The following ANKRD29 variants were observed in gnomAD, a reference collection of about 807,000 sequenced individuals.
ANKRD29 encodes the protein ankyrin repeat domain 29, also known as ankyrin repeat domain-containing protein 29.
A neutral mutation model predicts 38.0 loss-of-function variants in ANKRD29; 32 were observed. The ratio of observed to expected loss-of-function variants is 0.84; its 90% confidence interval spans 0.64 to 1.13. The LOEUF (loss-of-function observed/expected upper bound fraction) is 1.13. Among genes scored for constraint, ANKRD29 ranks in the 50% most tolerant of loss-of-function variants. ANKRD29 has a pLI of 0.00. For missense variants in ANKRD29, 357 were observed against 377.9 expected (o/e 0.94, Z 0.46); for synonymous variants, 135 against 152.4 (o/e 0.89, Z 0.84).
intron 9 of ANKRD29, among the ~76,000 whole-genome samples, chr18:23,607,525 G>A (rs986232104): frequency 6.6e-6 from 1 of 152,280 alleles, no homozygotes; most frequent in African/African-American, 2.4e-5. Context: ...GTGTTGCCTT[G>A]TGTGACCATC....
chr18:23,618,250 T>C (rs1037086580), intron 7 of ANKRD29, among the ~76,000 whole-genome samples: 1 of 152,258 alleles, frequency 6.6e-6, no homozygotes, highest in Admixed American at 6.5e-5. Context: ...AAAAAATTTA[T>C]ACAGCCTTGC....
chr18:23,644,332 T>C (rs2060112741), intron 3 of ANKRD29, among the ~76,000 whole-genome samples: 1 of 152,256 alleles, frequency 6.6e-6, no homozygotes, highest in African/African-American at 2.4e-5. Context: ...CTGGACCATA[T>C]TGTTTTTATT....
At chr18:23,610,048 GTTTT>G (rs1028425558) in intron 9 of ANKRD29, among the ~76,000 whole-genome samples, 3 of 151,990 alleles carry the variant, frequency 2.0e-5, no homozygotes, top group Non-Finnish European at 4.4e-5. Context: ...ATATGTTTTT[GTTTT>G]TATTATTAAA....
chr18:23,654,631 A>AG (rs2060255579), intron 1 of ANKRD29, among the ~76,000 whole-genome samples: 1 of 150,856 alleles, frequency 6.6e-6, no homozygotes, highest in Non-Finnish European at 1.5e-5. Context: ...AAAAAAAAAA[A>AG]AAAAAAAAAA....
At chr18:23,630,646 G>T (rs1240190155) in intron 5 of ANKRD29, among the ~76,000 whole-genome samples, 1 of 151,530 alleles carries the variant, frequency 6.6e-6, no homozygotes, top group Non-Finnish European at 1.5e-5. Context: ...AAATAAATTA[G>T]ATTTAAAATA....
At chr18:23,611,080 A>G (rs976117872) in intron 9 of ANKRD29, among the ~76,000 whole-genome samples, 1 of 152,262 alleles carries the variant, frequency 6.6e-6, no homozygotes, top group African/African-American at 2.4e-5. Flanking sequence ...TAAAATGACA[A>G]TCATTTAAAA....
chr18:23,614,171 C>T (rs1208695014), intron 8 of ANKRD29, among the ~76,000 whole-genome samples: 1 of 152,032 alleles, frequency 6.6e-6, no homozygotes, highest in Admixed American at 6.6e-5. Context: ...CCCAGGTTCT[C>T]CTGCCTCAAA....
Position 23,601,174 on chromosome 18 carries a change from T to A in ANKRD29, c.*52A>T, listed in dbSNP as rs918030091. The A allele has an allele frequency of 8.5e-6, 13 of 1,526,106 alleles. No homozygotes were observed. The African/African-American group carries it at 1.4e-4, about 16-fold the overall frequency. 94.5% of individuals were successfully genotyped at this position (1,526,106 alleles called of 1,614,324 possible). On this transcript the variant is annotated 3_prime_UTR_variant, in exon 10 of 10. Coordinates refer to ENST00000592179, the MANE Select transcript of ANKRD29 (RefSeq NM_173505.4). Reference sequence around the variant, plus strand: ...CAACACTGCTTGAAATGCAATTTCTTTTTGGACAATGTGGTTAAGCTTTCT... The same window carrying A: ...CAACACTGCTTGAAATGCAATTTCTATTTGGACAATGTGGTTAAGCTTTCT...
At chr18:23,642,544 G>A (rs1301238533) in intron 3 of ANKRD29, among the ~76,000 whole-genome samples, 3 of 152,214 alleles carry the variant, frequency 2.0e-5, no homozygotes, top group Non-Finnish European at 4.4e-5. Flanking sequence ...CCCTTGGCAG[G>A]CATGGGACCT....
rs373815765 is a variant in ANKRD29 at position 23,617,746 on chromosome 18, G to C, written c.709C>G (p.Leu237Val). 29 of 1,613,554 alleles carry C rather than the reference G, an allele frequency of 1.8e-5. No individual in the cohort carries two copies. The highest frequency in any genetic ancestry group is 2.4e-5 in the Non-Finnish European group (28 of 1,179,664). ...IKELLKFSPTLGILKNGTSAL... is the reference protein window; with the variant it reads ...IKELLKFSPTVGILKNGTSAL... ...TTAGGTCTTACCTTCAAAATACCAA[G>C]AGTGGGTGAGAATTTAAGCAACTCT... The change falls in exon 8 of 10, where the codon CTT (leucine) becomes GTT (valine). Residue 237 changes from leucine to valine, a missense_variant. By Grantham distance (32) the Leu-to-Val change is conservative (BLOSUM62 1). Coordinates refer to ENST00000592179, the MANE Select transcript of ANKRD29 (RefSeq NM_173505.4).
chr18:23,641,244 C>T (rs773533157), intron 3 of ANKRD29, among the ~76,000 whole-genome samples: 1 of 152,202 alleles, frequency 6.6e-6, no homozygotes, highest in Non-Finnish European at 1.5e-5. Context: ...GAGCCCCATC[C>T]CCTATTGAGT....
intron 8 of ANKRD29, among the ~76,000 whole-genome samples, chr18:23,616,565 C>CTATATATATATAGTGTATATATATATAT (rs1568013693): frequency 1.4e-4 from 19 of 138,324 alleles, no homozygotes; most frequent in Non-Finnish European, 2.6e-4. Context: ...TATATATATA[C>CTATATATATATAGTGTATATATATATAT]ACTATATATA....
At chr18:23,619,445 G>T in intron 7 of ANKRD29, 86 bp downstream of exon 7, 1 of 1,285,382 alleles carries the variant, frequency 7.8e-7, no homozygotes, top group Non-Finnish European at 1.0e-6. Flanking sequence ...AAACCCATGT[G>T]GGCTGCAGAC....
intron 8 of ANKRD29, 152 bp downstream of exon 8, chr18:23,617,580 T>TCAA (rs1192524847): frequency 2.6e-6 from 1 of 382,482 alleles, no homozygotes; most frequent in Non-Finnish European, 5.0e-6. Flanking sequence ...CCAGAGCCCC[T>TCAA]GGGATCTCCA....
In ANKRD29 at chr18:23,649,124, G is replaced by A; in HGVS notation, c.91C>T (p.Leu31=). ...RRGNLALLKL[L]LNSGRVDVDC... ...ACGTCCACCCGGCCGCTGTTCAACA[G>A]CAGCTTCAGCAGCGCCAGGTTTCCT... Residue 31 remains leucine, a synonymous_variant, in exon 2 of 10, where the codon CTG becomes TTG. Coordinates refer to ENST00000592179, the MANE Select transcript of ANKRD29 (RefSeq NM_173505.4). 1 of 1,614,204 alleles carries A rather than the reference G, an allele frequency of 6.2e-7. No homozygotes were observed. The highest frequency in any genetic ancestry group is 8.5e-7 in the Non-Finnish European group (1 of 1,180,014).
At chr18:23,648,802 TTTC>T (rs1451969321) in intron 2 of ANKRD29, 3 of 416,914 alleles carry the variant, frequency 7.2e-6, no homozygotes, top group African/African-American at 6.2e-5. Flanking sequence ...TAAACAGGCT[TTTC>T]TTCTTGTAAT....
intron 6 of ANKRD29, among the ~76,000 whole-genome samples, chr18:23,626,528 T>C (rs986197030): frequency 6.6e-6 from 1 of 152,142 alleles, no homozygotes; most frequent in African/African-American, 2.4e-5. Flanking sequence ...TGGAAAGAAA[T>C]GAAAATGAAT....
intron 1 of ANKRD29, among the ~76,000 whole-genome samples, chr18:23,652,251 T>C (rs2060219142): frequency 6.6e-6 from 1 of 152,216 alleles, no homozygotes; most frequent in Non-Finnish European, 1.5e-5. Flanking sequence ...ATCTTCTGCA[T>C]ACACTAGCTT....
intron 6 of ANKRD29, among the ~76,000 whole-genome samples, chr18:23,621,387 G>A (rs925538457): frequency 1.3e-5 from 2 of 152,138 alleles, no homozygotes; most frequent in Non-Finnish European, 1.5e-5. Context: ...GGAAGCTGGT[G>A]ACTTGGGAGC....
Sources: allele counts gnomAD v4.1 joint callset (sites outside exome capture counted in the v4.1 genomes callset), GRCh38; gene constraint gnomAD v4.1.1; transcripts MANE v1.5; gene names NCBI Gene and HGNC (gene_info 2026-07-23, HGNC 2026-07-21).